The following SLC4A4 variants were observed in gnomAD, a reference collection of about 807,000 sequenced individuals.
The protein encoded by SLC4A4 is solute carrier family 4 member 4.
Under a neutral mutation model 111.5 loss-of-function variants are expected in SLC4A4, and 27 were observed. The ratio of observed to expected loss-of-function variants is 0.24; its 90% CI spans 0.18 to 0.33. The LOEUF is 0.33. Among genes scored for constraint, SLC4A4 ranks in the 10% least tolerant of loss-of-function variants. SLC4A4 has a pLI of 1.00. For synonymous variants in SLC4A4, 443 were observed against 463.4 expected (o/e 0.96, Z 0.57); for missense variants, 909 against 1,315.5 (o/e 0.69, Z 4.78).
chr4:71,200,569 A>G (rs926283391), intron 1 of SLC4A4, among the ~76,000 whole-genome samples: 4 of 152,160 alleles, frequency 2.6e-5, no homozygotes, highest in African/African-American at 7.2e-5. Flanking sequence ...CACAGCTATG[A>G]CACCCTCTTT....
chr4:71,366,184 A>G (rs1731283565), intron 6 of SLC4A4, among the ~76,000 whole-genome samples: 1 of 152,238 alleles, frequency 6.6e-6, no homozygotes, highest in African/African-American at 2.4e-5. Context: ...TGCCGAGTGC[A>G]TAGGAAGCAT....
chr4:71,149,458 A>C (rs1744259573), intron 2 of SLC4A4, among the ~76,000 whole-genome samples: 1 of 152,188 alleles, frequency 6.6e-6, no homozygotes, highest in Non-Finnish European at 1.5e-5. Context: ...AATTTTGTAT[A>C]TTAAAAGCAT....
intron 2 of SLC4A4, among the ~76,000 whole-genome samples, chr4:71,142,761 C>CTTTTT (rs34495804): frequency 2.6e-4 from 20 of 78,024 alleles, no homozygotes; most frequent in African/African-American, 7.6e-4. Flanking sequence ...TTTTCTCACT[C>CTTTTT]TTTTTTTTTT....
At chr4:71,233,376 T>C in intron 1 of SLC4A4, 4 of 864,142 alleles carry the variant, frequency 4.6e-6, no homozygotes, top group Non-Finnish European at 5.6e-6. Flanking sequence ...GCTTTTTACA[T>C]CTCTTTCCAT....
chr4:71,287,283 TTAAAA>T (rs1303044426), intron 3 of SLC4A4, among the ~76,000 whole-genome samples: 8 of 152,308 alleles, frequency 5.3e-5, no homozygotes, highest in African/African-American at 1.2e-4. Context: ...AGTATAAAAA[TTAAAA>T]TGAAATGAAA....
In SLC4A4 at chr4:71,357,179, C is replaced by T; in HGVS notation, c.722C>T (p.Pro241Leu). The change falls in exon 6 of 26, where the codon CCT becomes CTT. Residue 241 changes from proline (P) to leucine (L), a missense_variant. Physicochemically the swap from Pro to Leu is moderately conservative, Grantham distance 98. Transcript: ENST00000264485. The part of the protein sequence containing the change: ...VSSASRMFTN[P>L]DNGSPAMTHR... ...AGTGCAAGTAGGATGTTTACCAACCCTGATAATGGTAATGCAGAGGCCAGC... is the reference window on the plus strand; with the variant it reads ...AGTGCAAGTAGGATGTTTACCAACCTTGATAATGGTAATGCAGAGGCCAGC... 1 of 1,614,062 alleles carries T rather than the reference C, an allele frequency of 6.2e-7. No homozygotes were observed. Among genetic ancestry groups the T allele is most frequent in the East Asian group, 2.2e-5 (1 of 44,876 alleles).
At chr4:71,494,954 G>T (rs1730269335) in intron 15 of SLC4A4, among the ~76,000 whole-genome samples, 1 of 152,032 alleles carries the variant, frequency 6.6e-6, no homozygotes, top group Non-Finnish European at 1.5e-5. Flanking sequence ...AAATAGAATT[G>T]TTTATTAGCT....
intron 3 of SLC4A4, among the ~76,000 whole-genome samples, chr4:71,275,648 C>T (rs1723016953): frequency 6.6e-6 from 1 of 152,170 alleles, no homozygotes; most frequent in African/African-American, 2.4e-5. Flanking sequence ...CTATTTAAAC[C>T]TCCACATTTA....
At chr4:71,552,401 G>A (rs543627675) in intron 20 of SLC4A4, among the ~76,000 whole-genome samples, 24 of 151,466 alleles carry the variant, frequency 1.6e-4, no homozygotes, top group Middle Eastern at 3.4e-3. Flanking sequence ...ATACAGTGAC[G>A]ATTATTCTGC....
intron 1 of SLC4A4, among the ~76,000 whole-genome samples, chr4:71,083,802 C>T (rs936548481): frequency 1.7e-5 from 2 of 120,544 alleles, no homozygotes; most frequent in Non-Finnish European, 3.2e-5. Context: ...CCACCAGTCT[C>T]AAAGTCCTAA....
chr4:71,480,900 G>A (rs965331730), intron 14 of SLC4A4, among the ~76,000 whole-genome samples: 26 of 151,622 alleles, frequency 1.7e-4, no homozygotes, highest in African/African-American at 5.6e-4. Flanking sequence ...TGATAACATT[G>A]TATATTTAAC....
In SLC4A4 at chr4:71,255,161, A is replaced by G. The variant is rs1234878327; in HGVS notation, c.74-59A>G. On this transcript the variant is annotated intron_variant, in intron 2 of 25. Transcript: ENST00000264485. ...TCTTCTGATCTGTGTATCTTGTGCA[A>G]TTTGTCTGCAGTAGAGAATGTGGTT... 1.1e-5 allele frequency: 16 copies of G among 1,432,812 alleles called. No individual in the cohort carries two copies. In the South Asian group the frequency reaches 1.7e-4, roughly 15 times the overall value. 88.8% of individuals were successfully genotyped at this position (1,432,812 alleles called of 1,614,324 possible). A position where few individuals can be genotyped will look rare whatever the true frequency, so the allele number is the denominator to read the frequency against.
chr4:71,460,758 C>G (rs993406755), intron 12 of SLC4A4, among the ~76,000 whole-genome samples: 3 of 152,096 alleles, frequency 2.0e-5, no homozygotes, highest in Non-Finnish European at 2.9e-5. Context: ...GGAGGTACAT[C>G]TCACATTTGG....
At chr4:71,567,753 T>C in intron 25 of SLC4A4, 35 bp from the exon 26 acceptor site, 1 of 1,022,576 alleles carries the variant, frequency 9.8e-7, no homozygotes, top group Non-Finnish European at 1.5e-6. Flanking sequence ...GGAAATCTGA[T>C]TTACTTACTA....
chr4:71,105,451 C>T (rs1172022388), intron 2 of SLC4A4, among the ~76,000 whole-genome samples: 2 of 151,530 alleles, frequency 1.3e-5, no homozygotes, highest in Non-Finnish European at 2.9e-5. Flanking sequence ...CAAAAAAGAG[C>T]CCGCATCGCC....
intron 7 of SLC4A4, among the ~76,000 whole-genome samples, chr4:71,422,551 C>T (rs1722642545): frequency 6.6e-6 from 1 of 152,180 alleles, no homozygotes; most frequent in Non-Finnish European, 1.5e-5. Context: ...GAATTTTAGA[C>T]CAATATCCTT....
At chr4:71,425,036 A>T (rs1722990608) in intron 7 of SLC4A4, among the ~76,000 whole-genome samples, 1 of 152,154 alleles carries the variant, frequency 6.6e-6, no homozygotes, top group Non-Finnish European at 1.5e-5. Context: ...TTAAGTTTAG[A>T]GAATACTGAT....
chr4:71,440,914 T>C, intron 8 of SLC4A4, 141 bp downstream of exon 8: 1 of 910,268 alleles, frequency 1.1e-6, no homozygotes, highest in South Asian at 1.4e-5. Flanking sequence ...ACTGTTTGAC[T>C]TTTATACTGT....
intron 16 of SLC4A4, among the ~76,000 whole-genome samples, chr4:71,509,984 G>T (rs1731767320): frequency 1.3e-5 from 2 of 152,078 alleles, no homozygotes; most frequent in Admixed American, 1.3e-4. Context: ...GTTTAAAGAT[G>T]GTGCCATGCC....
Sources: allele counts gnomAD v4.1 joint callset (sites outside exome capture counted in the v4.1 genomes callset), GRCh38; gene constraint gnomAD v4.1.1; transcripts MANE v1.5; gene names NCBI Gene and HGNC (gene_info 2026-07-23, HGNC 2026-07-21).